HOMER2: variants seen among roughly 807,000 people sequenced by gnomAD.
HOMER2 encodes homer scaffold protein 2.
A neutral mutation model predicts 47.0 loss-of-function variants in HOMER2; 27 were observed. That is an observed-to-expected ratio of 0.57 (90% CI 0.42 to 0.79). The LOEUF is 0.79. Among genes scored for constraint, HOMER2 ranks in the 30% least tolerant of loss-of-function variants. The pLI, the probability that HOMER2 is intolerant of heterozygous loss-of-function variation, is 0.00. For synonymous variants in HOMER2, 161 were observed against 163.8 expected (o/e 0.98, Z 0.13); for missense variants, 443 against 435.0 (o/e 1.02, Z -0.16).
At chr15:82,945,714 T>C (rs1203071444) in intron 1 of HOMER2, among the ~76,000 whole-genome samples, 1 of 151,730 alleles carries the variant, frequency 6.6e-6, no homozygotes, top group Non-Finnish European at 1.5e-5. Context: ...CTGACGCCTG[T>C]AATCCCAACA....
intron 1 of HOMER2, among the ~76,000 whole-genome samples, chr15:82,974,212 A>G (rs1423641735): frequency 2.6e-5 from 4 of 151,480 alleles, no homozygotes; most frequent in Non-Finnish European, 5.9e-5. Flanking sequence ...CGAGACCAGC[A>G]TGACCAACAT....
chr15:82,890,845 C>CA (rs2052681243), intron 2 of HOMER2, among the ~76,000 whole-genome samples: 1 of 152,170 alleles, frequency 6.6e-6, no homozygotes, highest in Non-Finnish European at 1.5e-5. Context: ...CCACTGCTGT[C>CA]AGAACATCCT....
chr15:82,870,629 T>C (rs1163128076), intron 3 of HOMER2, among the ~76,000 whole-genome samples: 1 of 152,204 alleles, frequency 6.6e-6, no homozygotes. Context: ...AAAAGCTTTC[T>C]ACCTAAAACA....
chr15:82,896,136 G>GGGGGCAA (rs760975680), intron 1 of HOMER2, among the ~76,000 whole-genome samples: 4 of 152,134 alleles, frequency 2.6e-5, no homozygotes, highest in Admixed American at 6.5e-5. Flanking sequence ...TGCAAAGGAT[G>GGGGGCAA]GGGGCAAGGG....
intron 2 of HOMER2, among the ~76,000 whole-genome samples, chr15:82,878,625 C>T (rs1801255293): frequency 6.6e-6 from 1 of 152,066 alleles, no homozygotes; most frequent in Admixed American, 6.6e-5. Flanking sequence ...TACAGACATG[C>T]TAGGTCTTTC....
intron 1 of HOMER2, among the ~76,000 whole-genome samples, chr15:82,974,930 C>T (rs1487249388): frequency 3.3e-5 from 5 of 152,054 alleles, no homozygotes; most frequent in Non-Finnish European, 5.9e-5. Flanking sequence ...ATTAGCTGGG[C>T]GTGGTGGTGG....
chr15:82,855,911 C>T (rs2051570214), intron 5 of HOMER2, among the ~76,000 whole-genome samples: 1 of 152,198 alleles, frequency 6.6e-6, no homozygotes, highest in African/African-American at 2.4e-5. Context: ...ACATCTGTGG[C>T]GCTGAATGTG....
rs7181476 is a variant in HOMER2, at chr15:82,968,437, T to A, written n.83-9129A>T. Among the ~76,000 whole-genome samples the A allele has an allele frequency of 4.8e-3, 734 of 152,362 alleles. 4 individuals are homozygous for A. The highest frequency in any genetic ancestry group is 0.016 in the African/African-American group (654 of 41,578). On this transcript the variant is annotated intron_variant and non_coding_transcript_variant, in intron 1 of 1. Coordinates refer to the HOMER2 transcript ENST00000500334. The stretch of plus-strand genomic sequence containing the variant: ...TTGTTTAGATTTAAATTTTATTTAT[T>A]TTTATCACTAAAACATTCACAGGTT...
chr15:82,977,907 G>C (rs1364885198), intron 1 of HOMER2, among the ~76,000 whole-genome samples: 2 of 152,166 alleles, frequency 1.3e-5, no homozygotes, highest in African/African-American at 4.8e-5. Context: ...AGCACTTTGC[G>C]AGGCTGAAGC....
chr15:82,868,263 T>C (rs947880083), intron 3 of HOMER2, among the ~76,000 whole-genome samples: 24 of 151,418 alleles, frequency 1.6e-4, no homozygotes, highest in African/African-American at 5.8e-4. Flanking sequence ...GCAAAAATGT[T>C]CTCCCATTCT....
At chr15:82,877,855 C>T (rs2052398946) in intron 2 of HOMER2, among the ~76,000 whole-genome samples, 2 of 100,960 alleles carry the variant, frequency 2.0e-5, no homozygotes, top group African/African-American at 3.8e-5. Context: ...GGAAGCAGGG[C>T]GTGGAAAATG....
chr15:82,841,677 C>T (rs918183181), exon 2 of HOMER2: 30 of 152,116 alleles, frequency 2.0e-4, no homozygotes, highest in African/African-American at 6.3e-4. Context: ...TCAACCTACC[C>T]AGAACTATTA....
chr15:82,868,645 C>T (rs1481487235), intron 3 of HOMER2, among the ~76,000 whole-genome samples: 4 of 148,008 alleles, frequency 2.7e-5, no homozygotes, highest in African/African-American at 1.0e-4. Context: ...ACCTCCCAGG[C>T]TCAGGTGATT....
chr15:82,868,523 T>TATATATATATATATATATATATATATA lies in HOMER2; in HGVS notation c.295-4265_295-4264insTATATATATATATATATATATATATAT, dbSNP rs2052055665. 7.9e-4 allele frequency among the ~76,000 whole-genome samples: 29 copies of TATATATATATATATATATATATATATA among 36,606 alleles called. 2 individuals carry two copies. Among genetic ancestry groups the TATATATATATATATATATATATATATA allele is most frequent in the South Asian group, 5.4e-3 (3 of 554 alleles). 24.0% of individuals were successfully genotyped at this position (36,606 alleles called of 152,430 possible). A position where few individuals can be genotyped will look rare whatever the true frequency, so the allele number is the denominator to read the frequency against. ...AAGTTATATATATCACTTATTTATT[T>TATATATATATATATATATATATATATA]TATATATATATATATATATTTTTTT... On this transcript the variant is annotated intron_variant, in intron 3 of 8. Transcript: ENST00000450735.
rs117424216 is a variant in HOMER2, at chr15:82,973,647, T to C, written n.82+12140A>G. ...AACAGTGCAACTGTTTGTTAATGCTTATCATCTAGGCTATAGAAAACACAT... is the reference window on the plus strand; with the variant it reads ...AACAGTGCAACTGTTTGTTAATGCTCATCATCTAGGCTATAGAAAACACAT... On this transcript the variant is annotated intron_variant and non_coding_transcript_variant, in intron 1 of 1. Coordinates refer to the HOMER2 transcript ENST00000500334. Among the ~76,000 whole-genome samples the C allele has an allele frequency of 2.0e-5, 3 of 152,340 alleles. No individual in the cohort carries two copies. In the East Asian group the frequency reaches 5.8e-4, roughly 29 times the overall value.
intron 1 of HOMER2, among the ~76,000 whole-genome samples, chr15:82,909,446 C>T (rs1299798133): frequency 6.6e-6 from 1 of 152,044 alleles, no homozygotes; most frequent in Non-Finnish European, 1.5e-5. Context: ...GACAGCGGTA[C>T]AAATTGGAGT....
rs545125275 is a variant in HOMER2 at position 82,951,499 on chromosome 15, C to T, written c.5+1032G>A. The stretch of plus-strand genomic sequence containing the variant: ...CTCCTTCCACTGCACTCTTGCCTTC[C>T]CAGGCCCCACCCATCCCAAACAGGA... On this transcript the variant is annotated intron_variant, in intron 1 of 8. Coordinates refer to ENST00000450735, the MANE Select transcript of HOMER2 (RefSeq NM_004839.4). 1.4e-4 allele frequency among the ~76,000 whole-genome samples: 22 copies of T among 152,342 alleles called. No individual in the cohort carries two copies. The South Asian group carries it at 1.5e-3, about 10-fold the overall frequency.
rs186967829 is a variant in HOMER2 at position 82,852,434 on chromosome 15, G to A, written c.652-182C>T. ...GCTCCATCATGGGGCTGCCTGCACC[G>A]CTTGCATGGGACCTGCTTTGCACAT... On this transcript the variant is annotated intron_variant, in intron 6 of 8. Transcript: ENST00000450735. 221 of 547,312 alleles carry A rather than the reference G, an allele frequency of 4.0e-4. 3 individuals carry two copies. Among genetic ancestry groups the A allele is most frequent in the Admixed American group, 1.1e-3 (31 of 29,026 alleles). The allele number at this position is 547,312 out of a possible 1,614,324, so 33.9% of individuals were successfully genotyped here. A position where few individuals can be genotyped will look rare whatever the true frequency, so the allele number is the denominator to read the frequency against.
intron 1 of HOMER2, among the ~76,000 whole-genome samples, chr15:82,927,154 C>T (rs946893705): frequency 1.3e-5 from 2 of 151,716 alleles, no homozygotes; most frequent in African/African-American, 4.9e-5. Flanking sequence ...ATGCCACTCC[C>T]AGCCCAGCCC....
Sources: allele counts gnomAD v4.1 joint callset (sites outside exome capture counted in the v4.1 genomes callset), GRCh38; gene constraint gnomAD v4.1.1; transcripts MANE v1.5; gene names NCBI Gene and HGNC (gene_info 2026-07-23, HGNC 2026-07-21).